Variants in SPATA12 observed in about 807,000 individuals in gnomAD.
SPATA12 encodes the protein spermatogenesis-associated protein 12.
For synonymous variants in SPATA12, 85 were observed against 89.2 expected (o/e 0.95, Z 0.26); for missense variants, 219 against 226.4 (o/e 0.97, Z 0.21).
Position 57,073,636 on chromosome 3 carries a change from G to A in SPATA12, c.-59G>A, listed in dbSNP as rs1383502613. On this transcript the variant is annotated 5_prime_UTR_variant, in exon 2 of 2. The change creates a premature stop within an existing upstream ORF in the 5' untranslated region. Coordinates refer to ENST00000334325, the MANE Select transcript of SPATA12 (RefSeq NM_181727.2). ...AGTGCTGCATGCTCCTCAGGGATTG[G>A]CTCCGGCCAAGTGCCCCAGCCTCCT... 6.5e-7 allele frequency: 1 copy of A among 1,549,380 alleles called. No individual in the cohort carries two copies. Among genetic ancestry groups the A allele is most frequent in the South Asian group, 1.3e-5 (1 of 78,720 alleles).
At chr3:57,070,470 G>C (rs141667906) in intron 1 of SPATA12, among the ~76,000 whole-genome samples, 1 of 152,272 alleles carries the variant, frequency 6.6e-6, no homozygotes, top group East Asian at 1.9e-4. Context: ...CAATGACTAG[G>C]GAAGCTGAGT....
chr3:57,060,936 A>G (rs542846458), intron 1 of SPATA12, 150 bp downstream of exon 1: 3 of 152,252 alleles, frequency 2.0e-5, no homozygotes, highest in African/African-American at 7.2e-5. Context: ...AAAGTCCAGG[A>G]GAGTCCAACT....
chr3:57,074,430 A>G lies in SPATA12; in HGVS notation c.*163A>G. 1 of 631,938 alleles carries G rather than the reference A, an allele frequency of 1.6e-6. No individual in the cohort carries two copies. Among genetic ancestry groups the G allele is most frequent in the Non-Finnish European group, 2.8e-6 (1 of 352,796 alleles). 39.1% of individuals were successfully genotyped at this position (631,938 alleles called of 1,614,324 possible). On this transcript the variant is annotated 3_prime_UTR_variant, in exon 2 of 2. Coordinates refer to ENST00000334325, the MANE Select transcript of SPATA12 (RefSeq NM_181727.2). ...ACTTTTTCCAAGAAGCCTCCCTGTC[A>G]CACTTCCCCAATATCACAGATGAAG... is the stretch of plus-strand genomic sequence containing the variant.
intron 1 of SPATA12, among the ~76,000 whole-genome samples, chr3:57,063,289 C>G (rs1054047179): frequency 3.7e-5 from 3 of 81,324 alleles, no homozygotes; most frequent in Non-Finnish European, 6.7e-5. Flanking sequence ...GCCTTGCAGC[C>G]AGCCACCCTA....
intron 1 of SPATA12, among the ~76,000 whole-genome samples, chr3:57,070,195 C>T (rs1705808189): frequency 6.6e-6 from 1 of 152,198 alleles, no homozygotes; most frequent in African/African-American, 2.4e-5. Flanking sequence ...CTTCTCCAGG[C>T]ATGAAGCAAG....
At position 57,073,631 on chromosome 3, in the gene SPATA12, G is replaced by A; in HGVS notation, c.-64G>A. 2 of 1,540,262 alleles carry A rather than the reference G, an allele frequency of 1.3e-6. No homozygotes were observed. Among genetic ancestry groups the A allele is most frequent in the Admixed American group, 2.0e-5 (1 of 49,530 alleles). On this transcript the variant is annotated 5_prime_UTR_variant, in exon 2 of 2. Coordinates refer to ENST00000334325, the MANE Select transcript of SPATA12 (RefSeq NM_181727.2). The stretch of plus-strand genomic sequence containing the variant: ...GCAAGAGTGCTGCATGCTCCTCAGG[G>A]ATTGGCTCCGGCCAAGTGCCCCAGC...
chr3:57,064,487 A>G (rs1705415649), intron 1 of SPATA12, among the ~76,000 whole-genome samples: 1 of 152,052 alleles, frequency 6.6e-6, no homozygotes, highest in African/African-American at 2.4e-5. Context: ...CACGCCCAGC[A>G]AATTGCTGTA....
At chr3:57,072,239 A>T (rs530953995) in intron 1 of SPATA12, among the ~76,000 whole-genome samples, 112 of 152,322 alleles carry the variant, frequency 7.4e-4, no homozygotes, top group Middle Eastern at 3.4e-3. Flanking sequence ...GAGTTACCAT[A>T]TACCTAGCAA....
chr3:57,064,304 C>A (rs1705402530), intron 1 of SPATA12, among the ~76,000 whole-genome samples: 1 of 151,622 alleles, frequency 6.6e-6, no homozygotes, highest in Non-Finnish European at 1.5e-5. Context: ...GAAGGAAATT[C>A]TTTCTTTTTT....
chr3:57,070,336 GC>G (rs777889006), intron 1 of SPATA12, among the ~76,000 whole-genome samples: 64 of 146,450 alleles, frequency 4.4e-4, no homozygotes, highest in South Asian at 8.3e-4. Flanking sequence ...TCTTACCCAA[GC>G]CTTAAATTAG....
chr3:57,073,540 C>T lies in SPATA12; in HGVS notation c.-155C>T. On this transcript the variant is annotated 5_prime_UTR_variant, in exon 2 of 2. Coordinates refer to ENST00000334325, the MANE Select transcript of SPATA12 (RefSeq NM_181727.2). ...TGTGGGGTTTGGCTCTGTTTGAGCA[C>T]CCCGGGATGATTGGTGGTGGGGTGT... 1.5e-6 allele frequency: 2 copies of T among 1,315,788 alleles called. No individual in the cohort carries two copies. Among genetic ancestry groups the T allele is most frequent in the Non-Finnish European group, 2.0e-6 (2 of 990,908 alleles). 81.5% of individuals were successfully genotyped at this position (1,315,788 alleles called of 1,614,324 possible).
At chr3:57,061,934 G>A (rs1015220971) in intron 1 of SPATA12, among the ~76,000 whole-genome samples, 1 of 152,122 alleles carries the variant, frequency 6.6e-6, no homozygotes, top group Non-Finnish European at 1.5e-5. Context: ...TTGTTTCTCC[G>A]GTTGTGACAA....
chr3:57,069,887 C>T (rs1186057240), intron 1 of SPATA12, among the ~76,000 whole-genome samples: 2 of 152,234 alleles, frequency 1.3e-5, no homozygotes, highest in Non-Finnish European at 2.9e-5. Flanking sequence ...TGAGGCAATG[C>T]TCCCACTTCA....
chr3:57,062,452 G>A (rs867224892), intron 1 of SPATA12, among the ~76,000 whole-genome samples: 29 of 152,188 alleles, frequency 1.9e-4, no homozygotes, highest in Non-Finnish European at 2.8e-4. Flanking sequence ...GGAGCACGGC[G>A]GCGGGGGCGG....
intron 1 of SPATA12, among the ~76,000 whole-genome samples, chr3:57,061,595 A>G (rs999931613): frequency 3.9e-5 from 6 of 152,202 alleles, no homozygotes; most frequent in Non-Finnish European, 7.3e-5. Context: ...CGCTGCTGGG[A>G]ACATGGGAAT....
At chr3:57,067,452 C>CG (rs1479536557) in intron 1 of SPATA12, among the ~76,000 whole-genome samples, 2 of 83,860 alleles carry the variant, frequency 2.4e-5, no homozygotes, top group East Asian at 1.8e-3. Context: ...GACTCTGTCT[C>CG]AAAATAATAA....
intron 1 of SPATA12, among the ~76,000 whole-genome samples, chr3:57,069,263 C>T (rs973781854): frequency 2.0e-5 from 3 of 152,046 alleles, no homozygotes; most frequent in Non-Finnish European, 2.9e-5. Flanking sequence ...TATTCTATTG[C>T]ATGTAAGTTT....
At chr3:57,072,413 T>C (rs1235026599) in intron 1 of SPATA12, among the ~76,000 whole-genome samples, 1 of 151,104 alleles carries the variant, frequency 6.6e-6, no homozygotes, top group Non-Finnish European at 1.5e-5. Context: ...AAACATTAGT[T>C]GTTAGCACTG....
At chr3:57,068,182 C>CAG (rs1162999184) in intron 1 of SPATA12, among the ~76,000 whole-genome samples, 2 of 151,560 alleles carry the variant, frequency 1.3e-5, no homozygotes, top group African/African-American at 2.4e-5. Context: ...CACACACACA[C>CAG]ACACACACCA....
Sources: allele counts gnomAD v4.1 joint callset (sites outside exome capture counted in the v4.1 genomes callset), GRCh38; gene constraint gnomAD v4.1.1; transcripts MANE v1.5; gene names NCBI Gene and HGNC (gene_info 2026-07-23, HGNC 2026-07-21).